The following SUSD6 variants were observed in gnomAD, a reference collection of about 807,000 sequenced individuals.
SUSD6 encodes sushi domain-containing protein 6.
Under a neutral mutation model 28.4 loss-of-function variants are expected in SUSD6, and 16 were observed. The observed-to-expected ratio is 0.56, with a 90% confidence interval of 0.38 to 0.86. SUSD6 has a LOEUF of 0.86. SUSD6 is among the 40% of genes least tolerant of loss of function. SUSD6 has a pLI of 0.00. For synonymous variants in SUSD6, 147 were observed against 159.6 expected (o/e 0.92, Z 0.59); for missense variants, 341 against 384.2 (o/e 0.89, Z 0.94).
chr14:69,630,672 A>G (rs1885179775), intron 1 of SUSD6, among the ~76,000 whole-genome samples: 1 of 151,812 alleles, frequency 6.6e-6, no homozygotes, highest in Non-Finnish European at 1.5e-5. Flanking sequence ...TGAAGAACAC[A>G]CATGGAAAAA....
intron 2 of SUSD6, among the ~76,000 whole-genome samples, chr14:69,668,966 C>G (rs1295659430): frequency 6.6e-6 from 1 of 151,314 alleles, no homozygotes. Context: ...TGCCACTATG[C>G]TTCCTGTACA....
At chr14:69,703,995 C>T (rs1278981249) in intron 3 of SUSD6, among the ~76,000 whole-genome samples, 1 of 152,340 alleles carries the variant, frequency 6.6e-6, no homozygotes, top group Admixed American at 6.5e-5. Context: ...ACCCTTACTG[C>T]TTCCTCCTGT....
intron 2 of SUSD6, among the ~76,000 whole-genome samples, chr14:69,698,187 G>T (rs1886254645): frequency 6.6e-6 from 1 of 152,202 alleles, no homozygotes; most frequent in Non-Finnish European, 1.5e-5. Context: ...AGTTAGCCGG[G>T]TGTGGTGGCA....
intron 2 of SUSD6, among the ~76,000 whole-genome samples, chr14:69,687,861 T>C (rs1886096005): frequency 6.6e-6 from 1 of 152,044 alleles, no homozygotes; most frequent in Non-Finnish European, 1.5e-5. Context: ...AATTAGATGC[T>C]TTTTTTTCTT....
At chr14:69,709,135 A>C in intron 5 of SUSD6, 31 bp downstream of exon 5, 1 of 1,524,070 alleles carries the variant, frequency 6.6e-7, no homozygotes, top group Non-Finnish European at 8.8e-7. Flanking sequence ...ATGAATTATT[A>C]GCTGCTTAGG....
rs116217705 is a variant in SUSD6, at chr14:69,697,657, T to C, written c.122-5738T>C. On this transcript the variant is annotated intron_variant, in intron 2 of 5. Transcript: ENST00000342745. ...CATCTGTGGCCATGTTATATTTCTG[T>C]TGGACAGCTTTGTGCTAGGTTTGTG... 8.5e-3 allele frequency among the ~76,000 whole-genome samples: 1,289 copies of C among 152,364 alleles called. 13 individuals carry two copies. Among genetic ancestry groups the C allele is most frequent in the African/African-American group, 0.029 (1,225 of 41,584 alleles).
At chr14:69,637,290 G>C (rs528157502) in intron 1 of SUSD6, among the ~76,000 whole-genome samples, 4 of 152,130 alleles carry the variant, frequency 2.6e-5, no homozygotes, top group Non-Finnish European at 5.9e-5. Context: ...CCTGTGCTCA[G>C]TACTTACCGC....
chr14:69,681,752 A>G (rs972973170), intron 2 of SUSD6, among the ~76,000 whole-genome samples: 1 of 152,212 alleles, frequency 6.6e-6, no homozygotes, highest in Non-Finnish European at 1.5e-5. Context: ...TGCAGTGATC[A>G]TGGCAAAGGT....
At chr14:69,623,682 A>G (rs1171942497) in intron 1 of SUSD6, among the ~76,000 whole-genome samples, 1 of 152,212 alleles carries the variant, frequency 6.6e-6, no homozygotes, top group Non-Finnish European at 1.5e-5. Context: ...GAAGACTACT[A>G]GTGAAATAAG....
rs190144828 is a variant in SUSD6, at chr14:69,662,156, G to A, written c.121+3443G>A. On this transcript the variant is annotated intron_variant, in intron 2 of 5. Transcript: ENST00000342745. The stretch of plus-strand genomic sequence containing the variant: ...ACTTCAGAGACATTTTTAAGTGGGT[G>A]CTTGTAAAATATACAGCCTTGCTAT... Among the ~76,000 whole-genome samples the A allele has an allele frequency of 1.3e-4, 20 of 152,250 alleles. No homozygotes were observed. In the East Asian group the frequency reaches 3.7e-3, roughly 28 times the overall value.
chr14:69,616,014 A>G (rs1457707621), intron 1 of SUSD6, among the ~76,000 whole-genome samples: 1 of 152,118 alleles, frequency 6.6e-6, no homozygotes, highest in Non-Finnish European at 1.5e-5. Flanking sequence ...ACACATACAC[A>G]AGTGTTTTAT....
chr14:69,660,558 G>A (rs1326808990), intron 2 of SUSD6, among the ~76,000 whole-genome samples: 1 of 152,224 alleles, frequency 6.6e-6, no homozygotes, highest in Non-Finnish European at 1.5e-5. Flanking sequence ...CAAAACCAGA[G>A]GAGGCCTCTA....
chr14:69,684,844 CT>C (rs1429978417), intron 2 of SUSD6, among the ~76,000 whole-genome samples: 1 of 152,246 alleles, frequency 6.6e-6, no homozygotes, highest in Non-Finnish European at 1.5e-5. Flanking sequence ...AGCCTTGAGT[CT>C]TCAACTTTCA....
chr14:69,672,672 G>A lies in SUSD6; in HGVS notation c.121+13959G>A, dbSNP rs1236079687. On this transcript the variant is annotated intron_variant, in intron 2 of 5. Coordinates refer to ENST00000342745, the MANE Select transcript of SUSD6 (RefSeq NM_014734.4). ...GGGGGACCCACAGCAGGTGCTTGGT[G>A]TATTCTTCAGGTCTCATGTTGAAAC... Among the ~76,000 whole-genome samples, 3 of 152,228 alleles carry A rather than the reference G, an allele frequency of 2.0e-5. No homozygotes were observed. The South Asian group carries it at 6.2e-4, about 32-fold the overall frequency.
chr14:69,700,709 C>A (rs1431848545), intron 2 of SUSD6, among the ~76,000 whole-genome samples: 1 of 152,190 alleles, frequency 6.6e-6, no homozygotes, highest in African/African-American at 2.4e-5. Context: ...CTTTGAACTT[C>A]CTCTCTTGTG....
intron 1 of SUSD6, among the ~76,000 whole-genome samples, chr14:69,650,183 TC>T: frequency 6.6e-6 from 1 of 152,294 alleles, no homozygotes; most frequent in Admixed American, 6.5e-5. Context: ...AGGCAGTGTT[TC>T]CAAACCAGCT....
intron 1 of SUSD6, among the ~76,000 whole-genome samples, chr14:69,654,854 G>A (rs1454939913): frequency 7.3e-6 from 1 of 137,698 alleles, no homozygotes; most frequent in East Asian, 2.2e-4. Context: ...GAGTGCAGTG[G>A]CACAATATCG....
rs757574027 is a variant in SUSD6, at chr14:69,703,580, C to T, written c.307C>T (p.Arg103Cys). ...EWKPAMEISC[R>C]LNEDKDTHTS... Reference sequence around the variant, plus strand: ...GAAACCAGCCATGGAGATTAGCTGCCGTCTCAACGAGGGTCAGTCTGGCAG... The same window carrying T: ...GAAACCAGCCATGGAGATTAGCTGCTGTCTCAACGAGGGTCAGTCTGGCAG... Residue 103 changes from arginine (R) to cysteine (C), a missense_variant, in exon 3 of 6, where the codon CGT (arginine) becomes TGT (cysteine). Arg to Cys is a radical substitution (Grantham distance 180, BLOSUM62 -3). Transcript: ENST00000342745. 5.0e-6 allele frequency: 8 copies of T among 1,614,018 alleles called. No individual in the cohort carries two copies. The Admixed American group carries it at 5.0e-5, about 10-fold the overall frequency.
Position 69,669,104 on chromosome 14 carries a change from G to A in SUSD6, c.121+10391G>A, listed in dbSNP as rs527915173. Among the ~76,000 whole-genome samples the A allele has an allele frequency of 5.8e-5, 7 of 119,896 alleles. No homozygotes were observed. The East Asian group carries it at 1.0e-3, about 17-fold the overall frequency. 78.7% of individuals were successfully genotyped at this position (119,896 alleles called of 152,430 possible). A position where few individuals can be genotyped will look rare whatever the true frequency, so the allele number is the denominator to read the frequency against. On this transcript the variant is annotated intron_variant, in intron 2 of 5. Coordinates refer to ENST00000342745, the MANE Select transcript of SUSD6 (RefSeq NM_014734.4). Reference sequence around the variant, plus strand: ...TTTTGAGACAGAGTCTCGCTTTGTCGCCAGGCTGGAGTGCAGTGGCGCGAT... The same window carrying A: ...TTTTGAGACAGAGTCTCGCTTTGTCACCAGGCTGGAGTGCAGTGGCGCGAT...
Sources: allele counts gnomAD v4.1 joint callset (sites outside exome capture counted in the v4.1 genomes callset), GRCh38; gene constraint gnomAD v4.1.1; transcripts MANE v1.5; gene names NCBI Gene and HGNC (gene_info 2026-07-23, HGNC 2026-07-21).